The following IPCEF1 variants were observed in gnomAD, a reference collection of about 807,000 sequenced individuals.
IPCEF1 encodes the protein interaction protein for cytohesin exchange factors 1.
IPCEF1 carries 31 observed loss-of-function variants against 50.9 expected under a neutral mutation model. That is an observed-to-expected ratio of 0.61 (90% CI 0.46 to 0.82). The LOEUF (loss-of-function observed/expected upper bound fraction) is 0.82. Among genes scored for constraint, IPCEF1 ranks in the 40% least tolerant of loss-of-function variants. The probability of loss-of-function intolerance (pLI) is 0.00; values close to 1 mark genes in which losing one functional copy is unlikely to be tolerated. For missense variants in IPCEF1, 458 were observed against 514.0 expected (o/e 0.89, Z 1.05); for synonymous variants, 181 against 192.0 (o/e 0.94, Z 0.47).
intron 3 of IPCEF1, among the ~76,000 whole-genome samples, chr6:154,258,992 T>G (rs772767695): frequency 2.0e-5 from 3 of 152,246 alleles, no homozygotes; most frequent in Non-Finnish European, 4.4e-5. Flanking sequence ...TGCCTTCCTA[T>G]GTGCCTGGCA....
intron 3 of IPCEF1, among the ~76,000 whole-genome samples, chr6:154,265,286 G>C (rs1477107639): frequency 6.9e-6 from 1 of 145,760 alleles, no homozygotes; most frequent in Non-Finnish European, 1.5e-5. Flanking sequence ...TTATTATTAT[G>C]TTTTTTTTTT....
At chr6:154,200,852 A>C (rs1777010004) in intron 9 of IPCEF1, among the ~76,000 whole-genome samples, 1 of 152,218 alleles carries the variant, frequency 6.6e-6, no homozygotes, top group African/African-American at 2.4e-5. Context: ...ACACAGAGAA[A>C]ACATCAAAGC....
intron 1 of IPCEF1, among the ~76,000 whole-genome samples, chr6:154,316,574 G>A (rs894590941): frequency 2.0e-5 from 3 of 152,206 alleles, no homozygotes; most frequent in African/African-American, 7.2e-5. Context: ...AGAGATTGAA[G>A]TCATAGATGC....
intron 7 of IPCEF1, among the ~76,000 whole-genome samples, chr6:154,219,985 AGTGT>A (rs57450665): frequency 0.21 from 29,342 of 139,810 alleles, 3,083 homozygotes; most frequent in Admixed American, 0.33. Flanking sequence ...ACCTGTAAGG[AGTGT>A]GTGTGTGTGT....
chr6:154,221,407 T>C, intron 6 of IPCEF1, 79 bp from the exon 7 acceptor site: 1 of 1,099,352 alleles, frequency 9.1e-7, no homozygotes, highest in Middle Eastern at 2.0e-4. Flanking sequence ...ATCAGTAAAA[T>C]ACAAGCTTTG....
intron 11 of IPCEF1, among the ~76,000 whole-genome samples, chr6:154,165,723 C>T (rs1434039231): frequency 1.3e-5 from 2 of 152,248 alleles, no homozygotes; most frequent in African/African-American, 2.4e-5. Flanking sequence ...GACCCAATGA[C>T]TTGCTTCTAC....
At chr6:154,190,555 T>C (rs1450448506) in intron 10 of IPCEF1, among the ~76,000 whole-genome samples, 1 of 152,182 alleles carries the variant, frequency 6.6e-6, no homozygotes, top group East Asian at 1.9e-4. Flanking sequence ...CATTCATTGA[T>C]GGTGGGAATG....
intron 10 of IPCEF1, among the ~76,000 whole-genome samples, chr6:154,182,540 T>C (rs1399036937): frequency 6.6e-6 from 1 of 152,248 alleles, no homozygotes; most frequent in African/African-American, 2.4e-5. Flanking sequence ...TTAGGCAAGA[T>C]ATTTAAAGTA....
chr6:154,327,621 G>T (rs752261807), intron 1 of IPCEF1, among the ~76,000 whole-genome samples: 18 of 152,138 alleles, frequency 1.2e-4, no homozygotes, highest in Non-Finnish European at 2.4e-4. Flanking sequence ...CACTGTTGGT[G>T]GGAATGTAAA....
chr6:154,226,290 A>G (rs1779245152), intron 5 of IPCEF1, among the ~76,000 whole-genome samples: 1 of 152,216 alleles, frequency 6.6e-6, no homozygotes, highest in Admixed American at 6.5e-5. Context: ...TCAATCCTGG[A>G]GCTCCTGTCC....
intron 5 of IPCEF1, among the ~76,000 whole-genome samples, chr6:154,242,031 G>C (rs994741707): frequency 1.3e-5 from 2 of 152,132 alleles, no homozygotes; most frequent in African/African-American, 2.4e-5. Flanking sequence ...AATTCCCTGA[G>C]CTTCAGTAAA....
intron 3 of IPCEF1, among the ~76,000 whole-genome samples, chr6:154,260,908 G>C (rs879446889): frequency 6.6e-6 from 1 of 152,176 alleles, no homozygotes; most frequent in Non-Finnish European, 1.5e-5. Context: ...TATCACCATA[G>C]TGTGATTCGA....
chr6:154,265,143 C>T (rs1378225440), intron 3 of IPCEF1, among the ~76,000 whole-genome samples: 5 of 152,300 alleles, frequency 3.3e-5, no homozygotes, highest in South Asian at 2.1e-4. Flanking sequence ...TTACTAACAT[C>T]GACTTCCTAA....
chr6:154,276,263 A>G (rs1782057069), intron 2 of IPCEF1, among the ~76,000 whole-genome samples: 1 of 89,452 alleles, frequency 1.1e-5, no homozygotes, highest in Admixed American at 1.4e-4. Context: ...GGGAGGGAGG[A>G]AGAAAGAGAA....
intron 3 of IPCEF1, among the ~76,000 whole-genome samples, chr6:154,252,090 C>T (rs186590910): frequency 2.0e-5 from 3 of 152,248 alleles, no homozygotes; most frequent in Admixed American, 2.0e-4. Context: ...GGAGGAAAAT[C>T]TGGAATAAAG....
intron 10 of IPCEF1, among the ~76,000 whole-genome samples, chr6:154,177,167 C>T (rs913819694): frequency 2.0e-5 from 3 of 152,118 alleles, no homozygotes; most frequent in Non-Finnish European, 2.9e-5. Flanking sequence ...AAACGTAAGA[C>T]CTAAAACCAT....
At chr6:154,332,288 G>GTT (rs59261360) in intron 1 of IPCEF1, among the ~76,000 whole-genome samples, 38 of 140,488 alleles carry the variant, frequency 2.7e-4, no homozygotes, top group African/African-American at 9.1e-4. Flanking sequence ...TGTGTGAGTG[G>GTT]TTTTTTTTTT....
intron 10 of IPCEF1, among the ~76,000 whole-genome samples, chr6:154,194,959 T>C (rs899928304): frequency 6.6e-6 from 1 of 152,062 alleles, no homozygotes; most frequent in Admixed American, 6.6e-5. Context: ...AATTAAGTGC[T>C]GAGGATACAA....
chr6:154,219,128 G>C (rs1030407868), intron 7 of IPCEF1: 20 of 152,330 alleles, frequency 1.3e-4, no homozygotes, highest in Admixed American at 1.2e-3. Context: ...GGGGCGGTGA[G>C]GAGGGGGATC....
Sources: gnomAD v4.1 joint callset for allele counts (sites outside exome capture counted in the v4.1 genomes callset) on GRCh38, gnomAD v4.1.1 for gene constraint, MANE v1.5 for transcripts, NCBI Gene and HGNC (gene_info 2026-07-23, HGNC 2026-07-21) for gene names.